The following KDM4C variants were observed in gnomAD, a reference collection of about 807,000 sequenced individuals.
KDM4C encodes the protein lysine-specific demethylase 4C.
Under a neutral mutation model 129.3 loss-of-function variants are expected in KDM4C, and 81 were observed. The observed-to-expected ratio is 0.63, with a 90% CI of 0.52 to 0.75. The LOEUF (loss-of-function observed/expected upper bound fraction) is 0.75. Ranked by LOEUF, KDM4C falls within the 30% of genes least tolerant of loss-of-function variation. The pLI, the probability that KDM4C is intolerant of heterozygous loss-of-function variation, is 0.00. For missense variants in KDM4C, 1,457 were observed against 1,304.0 expected (o/e 1.12, Z -1.81); for synonymous variants, 573 against 456.1 (o/e 1.26, Z -3.26).
In KDM4C at chr9:6,748,091, G is replaced by A. The variant is rs142884397; in HGVS notation, c.49+27094G>A. On this transcript the variant is annotated intron_variant, in intron 1 of 17. Coordinates refer to the KDM4C transcript ENST00000536108. ...TGAGGCAGGGGAATCACCTTAATCCGGGAGGCAGAGGTTGCAGTGAGCAGA... is the reference window on the plus strand; with the variant it reads ...TGAGGCAGGGGAATCACCTTAATCCAGGAGGCAGAGGTTGCAGTGAGCAGA... Among the ~76,000 whole-genome samples, 633 of 151,830 alleles carry A rather than the reference G, an allele frequency of 4.2e-3. 4 individuals carry two copies. The highest frequency in any genetic ancestry group is 0.015 in the African/African-American group (609 of 41,420).
rs1845354725 is a variant in KDM4C at position 7,175,465 on chromosome 9, C to A, written c.*736C>A. On this transcript the variant is annotated 3_prime_UTR_variant, in exon 22 of 22. Coordinates refer to ENST00000381309, the MANE Select transcript of KDM4C (RefSeq NM_015061.6). ...GCTGTTATTTTTAAACACTTTTTTTCATAATACATATTCCGAGTAGATATT... is the reference window on the plus strand; with the variant it reads ...GCTGTTATTTTTAAACACTTTTTTTAATAATACATATTCCGAGTAGATATT... 1 of 152,426 alleles carries A rather than the reference C, an allele frequency of 6.6e-6. No homozygotes were observed. The highest frequency in any genetic ancestry group is 1.5e-5 in the Non-Finnish European group (1 of 67,992). 9.4% of individuals were successfully genotyped at this position (152,426 alleles called of 1,614,324 possible). A position where few individuals can be genotyped will look rare whatever the true frequency, so the allele number is the denominator to read the frequency against.
intron 3 of KDM4C, among the ~76,000 whole-genome samples, chr9:6,814,326 T>A (rs7035145): frequency 0.033 from 5,011 of 150,412 alleles, 256 homozygotes; most frequent in African/African-American, 0.12. Context: ...GTATAGTTGA[T>A]TAAAGATTTT....
chr9:7,076,490 G>C, intron 17 of KDM4C: 1 of 1,549,678 alleles, frequency 6.5e-7, no homozygotes. Flanking sequence ...AACAATGAAG[G>C]CTCACTGTGA....
rs539246631 is a variant in KDM4C at position 7,005,522 on chromosome 9, AC to A, written c.1787-6175del. Among the ~76,000 whole-genome samples, 946 of 152,056 alleles carry A rather than the reference AC, an allele frequency of 6.2e-3. 10 individuals carry two copies. Among genetic ancestry groups the A allele is most frequent in the African/African-American group, 0.022 (909 of 41,438 alleles). On this transcript the variant is annotated intron_variant, in intron 12 of 21. Coordinates refer to ENST00000381309, the MANE Select transcript of KDM4C (RefSeq NM_015061.6). ...CTTTGTTTCTACTCTAATTTATTTA[AC>A]TAAAGGTAAGGGGACTAGGCTGCCT...
Position 6,865,169 on chromosome 9 carries a change from T to C in KDM4C, c.630-14843T>C, listed in dbSNP as rs529005794. Among the ~76,000 whole-genome samples the C allele has an allele frequency of 1.4e-4, 22 of 151,978 alleles. No homozygotes were observed. The South Asian group carries it at 2.9e-3, about 20-fold the overall frequency. ...GACTGCAGGTGCCCGCCACCACACC[T>C]GGCTAATTTTTTGTATTTTTAGTAG... On this transcript the variant is annotated intron_variant, in intron 5 of 21. Coordinates refer to ENST00000381309, the MANE Select transcript of KDM4C (RefSeq NM_015061.6).
intron 2 of KDM4C, among the ~76,000 whole-genome samples, chr9:6,795,249 A>T (rs1827500942): frequency 1.3e-5 from 2 of 152,178 alleles, no homozygotes; most frequent in Admixed American, 6.5e-5. Context: ...AATGGACCTG[A>T]TGCTACTTGT....
chr9:6,788,292 T>C (rs1335148375), intron 1 of KDM4C, among the ~76,000 whole-genome samples: 1 of 152,224 alleles, frequency 6.6e-6, no homozygotes, highest in Non-Finnish European at 1.5e-5. Context: ...AGGCATACAA[T>C]AACTATTTGT....
intron 17 of KDM4C, among the ~76,000 whole-genome samples, chr9:7,051,749 C>A (rs961269746): frequency 6.6e-6 from 1 of 152,118 alleles, no homozygotes; most frequent in Non-Finnish European, 1.5e-5. Context: ...CCTCTTCATA[C>A]AACTGGAAAA....
At position 7,013,998 on chromosome 9, in the gene KDM4C, G is replaced by A; in HGVS notation, c.2179G>A (p.Ala727Thr). The change falls in exon 14 of 22, where the codon GCA (alanine) becomes ACA (threonine). Residue 727 changes from alanine (A) to threonine (T), a missense_variant. Coordinates refer to ENST00000381309, the MANE Select transcript of KDM4C (RefSeq NM_015061.6). ...SCAKCCVRVH[A>T]SCYGIPSHEI... ...TGCAAAGTGCTGCGTACGGGTTCATGCAAGTAAATGGATCTATAATTCATC... is the reference window on the plus strand; with the variant it reads ...TGCAAAGTGCTGCGTACGGGTTCATACAAGTAAATGGATCTATAATTCATC... 6.2e-7 allele frequency: 1 copy of A among 1,609,916 alleles called. No homozygotes were observed. Among genetic ancestry groups the A allele is most frequent in the Non-Finnish European group, 8.5e-7 (1 of 1,177,766 alleles).
At chr9:6,751,958 C>G (rs1818074903) in intron 1 of KDM4C, among the ~76,000 whole-genome samples, 1 of 152,106 alleles carries the variant, frequency 6.6e-6, no homozygotes, top group African/African-American at 2.4e-5. Flanking sequence ...CAGAAGAAAG[C>G]CCATGACAAT....
intron 2 of KDM4C, among the ~76,000 whole-genome samples, chr9:6,798,713 A>G (rs957302699): frequency 2.0e-5 from 3 of 151,858 alleles, no homozygotes; most frequent in Non-Finnish European, 4.4e-5. Context: ...ATTCCACAAA[A>G]CCGCCATTGT....
intron 1 of KDM4C, among the ~76,000 whole-genome samples, chr9:6,775,646 C>T (rs1236471625): frequency 4.6e-5 from 7 of 151,886 alleles, no homozygotes; most frequent in Non-Finnish European, 1.5e-5. Flanking sequence ...CCTCAGCCTC[C>T]GGAGTAGCTG....
intron 6 of KDM4C, among the ~76,000 whole-genome samples, chr9:6,887,292 A>T (rs1169682172): frequency 6.6e-6 from 1 of 151,846 alleles, no homozygotes; most frequent in African/African-American, 2.4e-5. Flanking sequence ...GAGAAAACTG[A>T]CTCTGTCTTG....
intron 6 of KDM4C, among the ~76,000 whole-genome samples, chr9:6,883,021 C>G (rs1844715424): frequency 6.6e-6 from 1 of 152,132 alleles, no homozygotes; most frequent in Non-Finnish European, 1.5e-5. Context: ...GGAACGCCAT[C>G]ATCAAATCCC....
At chr9:6,841,472 C>A (rs989403311) in intron 4 of KDM4C, among the ~76,000 whole-genome samples, 4 of 152,102 alleles carry the variant, frequency 2.6e-5, no homozygotes, top group Admixed American at 6.5e-5. Flanking sequence ...ATAGACTTTT[C>A]CTCTTCTATT....
intron 18 of KDM4C, chr9:7,105,609 G>T: frequency 2.6e-6 from 1 of 377,868 alleles, no homozygotes; most frequent in Non-Finnish European, 5.4e-6. Context: ...GAATGTAAAT[G>T]CCTTTTTAGC....
chr9:6,985,217 A>T (rs552064934), intron 10 of KDM4C, among the ~76,000 whole-genome samples: 1 of 152,244 alleles, frequency 6.6e-6, no homozygotes, highest in South Asian at 2.1e-4. Context: ...CATTAGAGTG[A>T]TCCTTTAAAA....
chr9:7,122,520 C>T (rs1254823899), intron 18 of KDM4C, among the ~76,000 whole-genome samples: 1 of 152,152 alleles, frequency 6.6e-6, no homozygotes, highest in Non-Finnish European at 1.5e-5. Flanking sequence ...TTGGAAAAGT[C>T]ACTTGACTTT....
chr9:6,964,826 T>C (rs1372694681), intron 8 of KDM4C, among the ~76,000 whole-genome samples: 1 of 138,054 alleles, frequency 7.2e-6, no homozygotes, highest in Non-Finnish European at 1.5e-5. Flanking sequence ...CAGTAGCACA[T>C]GCCTGTAATC....
Sources: gnomAD v4.1 joint callset for allele counts (sites outside exome capture counted in the v4.1 genomes callset) on GRCh38, gnomAD v4.1.1 for gene constraint, MANE v1.5 for transcripts, NCBI Gene and HGNC (gene_info 2026-07-23, HGNC 2026-07-21) for gene names.